ZRANB1: variants seen among roughly 807,000 people sequenced by gnomAD.
ZRANB1 encodes ubiquitin thioesterase ZRANB1.
A neutral mutation model predicts 80.5 loss-of-function variants in ZRANB1; 16 were observed. The observed-to-expected ratio is 0.20, with a 90% CI of 0.13 to 0.30. ZRANB1 has a LOEUF of 0.30. ZRANB1 is among the 10% of genes least tolerant of loss of function. The probability of loss-of-function intolerance (pLI) is 1.00; values close to 1 mark genes in which losing one functional copy is unlikely to be tolerated. For synonymous variants in ZRANB1, 291 were observed against 293.1 expected (o/e 0.99, Z 0.07); for missense variants, 576 against 862.6 (o/e 0.67, Z 4.16).
chr10:124,987,997 C>T lies in ZRANB1; in HGVS notation c.*3005C>T, dbSNP rs1218644963. 6.6e-6 allele frequency: 1 copy of T among 152,426 alleles called. No homozygotes were observed. Among genetic ancestry groups the T allele is most frequent in the Non-Finnish European group, 1.5e-5 (1 of 67,932 alleles). The allele number at this position is 152,426 out of a possible 1,614,324, so 9.4% of individuals were successfully genotyped here. ...AACAGTTTCAAGGTTCACTTCCCTC[C>T]CTTGAACCAGGTCCAGGTCATTTTG... On this transcript the variant is annotated 3_prime_UTR_variant, in exon 9 of 9. Transcript: ENST00000359653.
intron 5 of ZRANB1, among the ~76,000 whole-genome samples, chr10:124,978,793 A>ATTTTTTTTTTTTTTT (rs35714295): frequency 8.7e-6 from 1 of 115,440 alleles, no homozygotes; most frequent in Non-Finnish European, 1.8e-5. Flanking sequence ...TTCCCAGCTA[A>ATTTTTTTTTTTTTTT]TTTTTTTTTT....
At chr10:124,973,268 C>T (rs747983778) in intron 3 of ZRANB1, among the ~76,000 whole-genome samples, 5 of 152,166 alleles carry the variant, frequency 3.3e-5, no homozygotes, top group Non-Finnish European at 5.9e-5. Flanking sequence ...GTTCTCTCAC[C>T]GTAGCCTCCT....
intron 1 of ZRANB1, among the ~76,000 whole-genome samples, chr10:124,944,685 G>C (rs141532921): frequency 9.2e-4 from 140 of 152,082 alleles, no homozygotes; most frequent in African/African-American, 3.3e-3. Context: ...TAAAGATGGG[G>C]GTCTACCTAT....
intron 2 of ZRANB1, among the ~76,000 whole-genome samples, chr10:124,970,699 A>G (rs1951816517): frequency 1.3e-5 from 2 of 152,106 alleles, no homozygotes; most frequent in African/African-American, 4.8e-5. Flanking sequence ...ACTCTTTGAG[A>G]AGAAGAAGAA....
At chr10:124,943,558 C>T (rs986840709) in intron 1 of ZRANB1, among the ~76,000 whole-genome samples, 9 of 128,136 alleles carry the variant, frequency 7.0e-5, no homozygotes, top group Middle Eastern at 3.9e-3. Flanking sequence ...TATATATATG[C>T]GCAAAGTCAC....
chr10:124,963,554 G>GTTTTTTTTTTTTTTTTTTTTTTTTTTTT (rs760813299), intron 1 of ZRANB1, among the ~76,000 whole-genome samples: 2 of 57,510 alleles, frequency 3.5e-5, no homozygotes, highest in Non-Finnish European at 6.5e-5. Context: ...TTTTTTGTTT[G>GTTTTTTTTTTTTTTTTTTTTTTTTTTTT]TTTTTTTTTT....
At position 124,942,669 on chromosome 10, in the gene ZRANB1, A is replaced by G; in HGVS notation, c.176A>G (p.Glu59Gly). The stretch of plus-strand genomic sequence containing the variant: ...AGAGATTGGGATCCTTCCAGCACCG[A>G]AGGAGGAAGTAGTCCTTTGATATGT... ...VGRDWDPSSTEGGSSPLICPD... is the reference protein window; with the variant it reads ...VGRDWDPSSTGGGSSPLICPD... The change falls in exon 1 of 9, where the codon GAA becomes GGA. Residue 59 changes from glutamate (E) to glycine (G), a missense_variant. Coordinates refer to ENST00000359653, the MANE Select transcript of ZRANB1 (RefSeq NM_017580.3). 1 of 1,614,230 alleles carries G rather than the reference A, an allele frequency of 6.2e-7. No individual in the cohort carries two copies. Among genetic ancestry groups the G allele is most frequent in the Non-Finnish European group, 8.5e-7 (1 of 1,180,034 alleles).
At position 124,972,070 on chromosome 10, in the gene ZRANB1, T is replaced by A; in HGVS notation, c.1108T>A (p.Phe370Ile). ...AASLHQRKGD[F>I]ACYFLTDLVT... ...CTCTCTTCATCAGAGAAAGGGGGAT[T>A]TTGCTTGCTATTTTCTGACTGACCT... Residue 370 changes from phenylalanine to isoleucine, a missense_variant, in exon 3 of 9, where the codon TTT becomes ATT. By Grantham distance (21) the Phe-to-Ile change is conservative. This residue lies in a region of ZRANB1 where 411 missense variants were observed against 583.1 expected (regional missense o/e 0.70). Transcript: ENST00000359653. 1 of 1,613,904 alleles carries A rather than the reference T, an allele frequency of 6.2e-7. No individual in the cohort carries two copies. The highest frequency in any genetic ancestry group is 8.5e-7 in the Non-Finnish European group (1 of 1,179,890).
upstream of ZRANB1, among the ~76,000 whole-genome samples, chr10:124,937,386 A>G (rs895279575): frequency 6.6e-6 from 1 of 151,786 alleles, no homozygotes; most frequent in Non-Finnish European, 1.5e-5. Flanking sequence ...GGGTTTCGCC[A>G]TGTTGACCAG....
At chr10:124,980,198 C>T (rs1203514206) in intron 5 of ZRANB1, among the ~76,000 whole-genome samples, 1 of 152,188 alleles carries the variant, frequency 6.6e-6, no homozygotes, top group Non-Finnish European at 1.5e-5. Context: ...TTAAACCAAA[C>T]TGGTATTCCT....
intron 2 of ZRANB1, among the ~76,000 whole-genome samples, chr10:124,971,295 A>C (rs1424972538): frequency 6.6e-6 from 1 of 152,256 alleles, no homozygotes; most frequent in Non-Finnish European, 1.5e-5. Flanking sequence ...TAACAAAAGA[A>C]AGTTCTAGCC....
chr10:124,973,240 C>T (rs755211439), intron 3 of ZRANB1, among the ~76,000 whole-genome samples: 5 of 152,098 alleles, frequency 3.3e-5, no homozygotes, highest in Non-Finnish European at 4.4e-5. Context: ...GCAGCCTTGG[C>T]CTCCCCAGGC....
At chr10:124,939,339 T>C (rs552318500), upstream of ZRANB1, among the ~76,000 whole-genome samples, 1 of 152,214 alleles carries the variant, frequency 6.6e-6, no homozygotes, top group African/African-American at 2.4e-5. Context: ...TATTATCTAA[T>C]ATAAGGCACA....
At chr10:124,933,417 G>A in the ZRANB1 span, among the ~76,000 whole-genome samples, 74 of 152,298 alleles carry the variant, frequency 4.9e-4, no homozygotes, top group East Asian at 2.5e-3. Flanking sequence ...GTTTACAGGC[G>A]TGAGCCACTG....
At chr10:124,917,902 C>G in the ZRANB1 span, among the ~76,000 whole-genome samples, 1 of 152,130 alleles carries the variant, frequency 6.6e-6, no homozygotes, top group Non-Finnish European at 1.5e-5. Flanking sequence ...CGGGTCATTT[C>G]ACAGACAAAA....
In ZRANB1 at chr10:124,952,383, A is replaced by G. The variant is rs367996080; in HGVS notation, c.814+9076A>G. Among the ~76,000 whole-genome samples the G allele has an allele frequency of 2.0e-5, 3 of 152,260 alleles. No homozygotes were observed. The South Asian group carries it at 6.2e-4, about 32-fold the overall frequency. On this transcript the variant is annotated intron_variant, in intron 1 of 8. Transcript: ENST00000359653. ...TGAGAGAGTTGCAGGGCCCTGAGGC[A>G]AGGAATGCCAGCAGCCTCTAGGAGA...
intron 1 of ZRANB1, among the ~76,000 whole-genome samples, chr10:124,950,863 C>T (rs930048450): frequency 1.3e-5 from 2 of 152,072 alleles, no homozygotes; most frequent in African/African-American, 4.8e-5. Context: ...CCCATGTGGT[C>T]CCCACCTATG....
chr10:124,923,710 G>C, the ZRANB1 span, among the ~76,000 whole-genome samples: 1 of 151,908 alleles, frequency 6.6e-6, no homozygotes, highest in Non-Finnish European at 1.5e-5. Context: ...CCTTCACAAG[G>C]CAGGAGAGAG....
chr10:124,948,326 A>G lies in ZRANB1; in HGVS notation c.814+5019A>G, dbSNP rs140270983. The stretch of plus-strand genomic sequence containing the variant: ...AAATATGTGTTCGACTGTTTATGCT[A>G]TTAGTAAGGCTTCCGGTCAACAGTA... On this transcript the variant is annotated intron_variant, in intron 1 of 8. Coordinates refer to ENST00000359653, the MANE Select transcript of ZRANB1 (RefSeq NM_017580.3). Among the ~76,000 whole-genome samples the G allele has an allele frequency of 5.9e-3, 891 of 152,264 alleles. 7 individuals carry two copies. Among genetic ancestry groups the G allele is most frequent in the African/African-American group, 0.018 (738 of 41,546 alleles).
Sources: allele counts gnomAD v4.1 joint callset (sites outside exome capture counted in the v4.1 genomes callset), GRCh38; gene constraint gnomAD v4.1.1; regional missense constraint gnomAD v4.1.1; transcripts MANE v1.5; gene names NCBI Gene and HGNC (gene_info 2026-07-23, HGNC 2026-07-21).